ERBB4: variants seen among roughly 807,000 people sequenced by gnomAD.
ERBB4 encodes erb-b2 receptor tyrosine kinase 4.
ERBB4 carries 42 observed loss-of-function variants against 158.0 expected under a neutral mutation model. That is an observed-to-expected ratio of 0.27 (90% confidence interval 0.21 to 0.34). The LOEUF (loss-of-function observed/expected upper bound fraction) is 0.34, where lower values mean the gene tolerates loss of function less well. Among genes scored for constraint, ERBB4 ranks in the 10% least tolerant of loss-of-function variants. The pLI is 1.00. For synonymous variants in ERBB4, 583 were observed against 558.7 expected (o/e 1.04, Z -0.61); for missense variants, 1,333 against 1,624.1 (o/e 0.82, Z 3.08).
At chr2:211,767,675 T>C (rs188608913) in intron 4 of ERBB4, among the ~76,000 whole-genome samples, 1 of 152,168 alleles carries the variant, frequency 6.6e-6, no homozygotes, top group Non-Finnish European at 1.5e-5. Flanking sequence ...AAAAGCCCCT[T>C]ATAAAACCAT....
At chr2:212,123,536 A>C (rs567166705) in intron 2 of ERBB4, among the ~76,000 whole-genome samples, 17 of 152,234 alleles carry the variant, frequency 1.1e-4, no homozygotes, top group Non-Finnish European at 1.6e-4. Flanking sequence ...ATAATTATTA[A>C]AATCTTTTGA....
intron 12 of ERBB4, among the ~76,000 whole-genome samples, chr2:211,695,370 G>A (rs2072975257): frequency 6.6e-6 from 1 of 152,100 alleles, no homozygotes; most frequent in Non-Finnish European, 1.5e-5. Flanking sequence ...ATATAAAAAT[G>A]TGTATCCTTT....
chr2:211,553,321 A>G (rs2125705869), intron 20 of ERBB4, among the ~76,000 whole-genome samples: 1 of 152,288 alleles, frequency 6.6e-6, no homozygotes, highest in South Asian at 2.1e-4. Context: ...GACCACAAGC[A>G]TCCTAGGAAC....
chr2:211,799,062 G>A (rs2076443496), intron 3 of ERBB4, among the ~76,000 whole-genome samples: 2 of 152,090 alleles, frequency 1.3e-5, no homozygotes, highest in East Asian at 1.9e-4. Flanking sequence ...TCTCCAGGTG[G>A]CCTTTACCTC....
chr2:211,557,845 T>C (rs2067279727), intron 20 of ERBB4, among the ~76,000 whole-genome samples: 1 of 152,110 alleles, frequency 6.6e-6, no homozygotes, highest in Non-Finnish European at 1.5e-5. Flanking sequence ...GTATTTCCAA[T>C]AGCAAAAACA....
chr2:212,377,582 A>G (rs1207275555), intron 1 of ERBB4, among the ~76,000 whole-genome samples: 1 of 151,892 alleles, frequency 6.6e-6, no homozygotes, highest in Non-Finnish European at 1.5e-5. Context: ...AAAAAATGGT[A>G]CACCTGTCTA....
chr2:211,429,105 GTAAT>G (rs1441430593), intron 21 of ERBB4, among the ~76,000 whole-genome samples: 4 of 151,964 alleles, frequency 2.6e-5, no homozygotes, highest in Non-Finnish European at 4.4e-5. Flanking sequence ...TTAACATTCA[GTAAT>G]TAAGTTGCTA....
chr2:211,729,983 A>C (rs2074379228), intron 5 of ERBB4, among the ~76,000 whole-genome samples: 1 of 151,986 alleles, frequency 6.6e-6, no homozygotes, highest in African/African-American at 2.4e-5. Flanking sequence ...TAAACTTGAC[A>C]TGGGGAATGT....
chr2:211,724,599 C>G (rs2074207322), intron 6 of ERBB4, among the ~76,000 whole-genome samples: 1 of 151,120 alleles, frequency 6.6e-6, no homozygotes, highest in Non-Finnish European at 1.5e-5. Context: ...AAAAACTGTC[C>G]CTAACAAACT....
chr2:211,451,711 A>G (rs1008495286), intron 20 of ERBB4, among the ~76,000 whole-genome samples: 1 of 152,198 alleles, frequency 6.6e-6, no homozygotes, highest in Non-Finnish European at 1.5e-5. Context: ...AACCTCTGGC[A>G]GACCTTCCAA....
intron 3 of ERBB4, among the ~76,000 whole-genome samples, chr2:211,818,991 TTGTC>T (rs2105936223): frequency 6.6e-6 from 1 of 152,200 alleles, no homozygotes; most frequent in Non-Finnish European, 1.5e-5. Flanking sequence ...TTTTTCTTGA[TTGTC>T]TATCAAATTT....
intron 20 of ERBB4, among the ~76,000 whole-genome samples, chr2:211,514,947 A>C (rs529279596): frequency 9.9e-5 from 15 of 152,164 alleles, no homozygotes; most frequent in Non-Finnish European, 1.0e-4. Context: ...AAATTAGTGC[A>C]ATAAAATGTT....
chr2:212,291,191 C>T (rs1433635436), intron 1 of ERBB4, among the ~76,000 whole-genome samples: 2 of 152,100 alleles, frequency 1.3e-5, no homozygotes, highest in Non-Finnish European at 2.9e-5. Context: ...ATTGAAATAA[C>T]TTTAACACAG....
At chr2:211,820,551 T>C (rs763369730) in intron 3 of ERBB4, among the ~76,000 whole-genome samples, 8 of 151,858 alleles carry the variant, frequency 5.3e-5, no homozygotes, top group Non-Finnish European at 7.4e-5. Context: ...ATTCAAAAAA[T>C]TGAAAAGGAG....
chr2:211,718,902 C>T (rs1037829533), intron 7 of ERBB4, among the ~76,000 whole-genome samples: 12 of 152,058 alleles, frequency 7.9e-5, no homozygotes, highest in Admixed American at 3.9e-4. Flanking sequence ...TAAAAGGTTA[C>T]GATACACTGT....
At position 212,156,772 on chromosome 2, in the gene ERBB4, G is replaced by T. The variant is rs533783319; in HGVS notation, c.83-31869C>A. On this transcript the variant is annotated intron_variant, in intron 1 of 27. Transcript: ENST00000342788. ...TAGTGTATGAACCTCCATCCAATCA[G>T]TTGTCCAAGACAGAGACACACTGGC... Among the ~76,000 whole-genome samples, 3 of 152,068 alleles carry T rather than the reference G, an allele frequency of 2.0e-5. No individual in the cohort carries two copies. In the South Asian group the frequency reaches 6.2e-4, roughly 31 times the overall value.
rs71054161 is a variant in ERBB4, at chr2:212,003,322, T to TAAA, written c.235-55709_235-55707dup. ...AAATCTTAATTGACCAGCTGAATGG[T>TAAA]AAAAAAAAAAAAAATGCAGCTGAAA... On this transcript the variant is annotated intron_variant, in intron 2 of 27. Transcript: ENST00000342788. Among the ~76,000 whole-genome samples, 487 of 130,238 alleles carry TAAA rather than the reference T, an allele frequency of 3.7e-3. 7 individuals are homozygous for TAAA. Among genetic ancestry groups the TAAA allele is most frequent in the Admixed American group, 5.5e-3 (73 of 13,266 alleles). The allele number at this position is 130,238 out of a possible 152,430, so 85.4% of individuals were successfully genotyped here. A position where few individuals can be genotyped will look rare whatever the true frequency, so the allele number is the denominator to read the frequency against.
At chr2:212,160,173 C>A (rs185081006) in intron 1 of ERBB4, among the ~76,000 whole-genome samples, 3 of 151,862 alleles carry the variant, frequency 2.0e-5, no homozygotes, top group Non-Finnish European at 4.4e-5. Context: ...GTTCAACTTA[C>A]GCAGGTAAGA....
chr2:212,122,998 C>T (rs1482905694), intron 2 of ERBB4, among the ~76,000 whole-genome samples: 2 of 152,138 alleles, frequency 1.3e-5, no homozygotes, highest in African/African-American at 4.8e-5. Context: ...CTTCAGAATT[C>T]AGCTTTCTTT....
Sources: gnomAD v4.1 joint callset for allele counts (sites outside exome capture counted in the v4.1 genomes callset) on GRCh38, gnomAD v4.1.1 for gene constraint, MANE v1.5 for transcripts, NCBI Gene and HGNC (gene_info 2026-07-23, HGNC 2026-07-21) for gene names.